Variants in CCNL1 observed in about 807,000 individuals in gnomAD.
The protein encoded by CCNL1 is cyclin-L1.
Under a neutral mutation model 60.6 loss-of-function variants are expected in CCNL1, and 13 were observed. The ratio of observed to expected loss-of-function variants is 0.21; its 90% CI spans 0.14 to 0.34. CCNL1 has a LOEUF of 0.34. Among genes scored for constraint, CCNL1 ranks in the 10% least tolerant of loss-of-function variants. CCNL1 has a pLI of 1.00. For missense variants in CCNL1, 481 were observed against 664.3 expected, an observed-to-expected ratio of 0.72 and a Z score of 3.03; for synonymous variants, 270 against 244.3, an observed-to-expected ratio of 1.10 and a Z score of -0.98.
At chr3:157,152,374 G>A (rs2108120922) in intron 4 of CCNL1, 133 bp from the exon 5 acceptor site, 3 of 1,414,002 alleles carry the variant, frequency 2.1e-6, no homozygotes, top group South Asian at 1.7e-5. Flanking sequence ...CAATTTAAAT[G>A]TACATAAGAT....
Position 157,159,936 on chromosome 3 carries a change from G to A in CCNL1, c.159C>T (p.Thr53=), listed in dbSNP as rs1341996958. Reference sequence around the variant, plus strand: ...CCTCCGGAATCAGAGAGTGGTCGATGGTAAGTGAAACTTCCGAGTACAGGC... The same window carrying A: ...CCTCCGGAATCAGAGAGTGGTCGATAGTAAGTGAAACTTCCGAGTACAGGC... ...GDRLYSEVSL[T]IDHSLIPEER... is the part of the protein sequence containing the mutation. The change falls in exon 1 of 11, where the codon ACC becomes ACT. Residue 53 remains threonine, a synonymous_variant. Coordinates refer to ENST00000295926, the MANE Select transcript of CCNL1 (RefSeq NM_020307.4). 4.4e-6 allele frequency: 7 copies of A among 1,605,722 alleles called. No homozygotes were observed. The highest frequency in any genetic ancestry group is 1.3e-5 in the African/African-American group (1 of 74,738).
intron 3 of CCNL1, among the ~76,000 whole-genome samples, chr3:157,157,929 C>A (rs1450380371): frequency 6.6e-6 from 1 of 152,174 alleles, no homozygotes; most frequent in African/African-American, 2.4e-5. Flanking sequence ...ACATACCCAA[C>A]CCCCAGAACA....
chr3:157,159,153 T>A (rs1443196112), intron 2 of CCNL1, 178 bp from the exon 3 acceptor site: 8 of 632,070 alleles, frequency 1.3e-5, no homozygotes, highest in Non-Finnish European at 1.9e-5. Context: ...TAATTTTGGT[T>A]CCAGAGTCAA....
intron 8 of CCNL1, 24 bp from the exon 9 acceptor site, chr3:157,149,620 A>G: frequency 1.3e-6 from 2 of 1,594,760 alleles, no homozygotes; most frequent in Non-Finnish European, 1.7e-6. Context: ...TAATAACAAC[A>G]TGTTAACTAC....
Position 157,149,339 on chromosome 3 carries a change from G to T in CCNL1, c.1180C>A (p.Arg394=). 6.2e-6 allele frequency: 10 copies of T among 1,613,984 alleles called. No homozygotes were observed. The highest frequency in any genetic ancestry group is 8.5e-6 in the Non-Finnish European group (10 of 1,179,934). ...KRSRNSRSAS[R]SRSRTRSRSR... is the part of the protein sequence containing the mutation. ...CGTGATCGTGTTCTTGACCTCGATCGACTTGCACTTCTGCTATTTCTACTT... is the reference window on the plus strand; with the variant it reads ...CGTGATCGTGTTCTTGACCTCGATCTACTTGCACTTCTGCTATTTCTACTT... The change falls in exon 10 of 11, where the codon CGA becomes AGA. Residue 394 remains arginine, a synonymous_variant. Transcript: ENST00000295926.
intron 10 of CCNL1, 155 bp downstream of exon 10, chr3:157,149,132 G>C (rs933146237): frequency 1.4e-5 from 9 of 625,496 alleles, no homozygotes; most frequent in African/African-American, 9.2e-5. Flanking sequence ...TGTATGTCCA[G>C]AACATCTCCA....
chr3:157,150,851 G>T (rs956788259), intron 5 of CCNL1: 34 of 986,350 alleles, frequency 3.4e-5, no homozygotes, highest in Non-Finnish European at 1.1e-5. Flanking sequence ...GGCATTTTCA[G>T]TAAGTACCAA....
chr3:157,150,701 C>G (rs556726184), intron 5 of CCNL1: 106 of 1,042,190 alleles, frequency 1.0e-4, no homozygotes, highest in Non-Finnish European at 1.2e-4. Flanking sequence ...AATTCTGACA[C>G]GATTAGTTTC....
intron 4 of CCNL1, 106 bp from the exon 5 acceptor site, chr3:157,152,347 G>A (rs1032499813): frequency 5.3e-6 from 8 of 1,518,112 alleles, no homozygotes; most frequent in Non-Finnish European, 7.0e-6. Flanking sequence ...TTCTAATTGT[G>A]CATCGATAAT....
In CCNL1 at chr3:157,160,126, A is replaced by G. The variant is rs772304472; in HGVS notation, c.-32T>C. 6.5e-7 allele frequency: 1 copy of G among 1,527,034 alleles called. No homozygotes were observed. 94.6% of individuals were successfully genotyped at this position (1,527,034 alleles called of 1,614,324 possible). On this transcript the variant is annotated 5_prime_UTR_variant, in exon 1 of 11. Coordinates refer to ENST00000295926, the MANE Select transcript of CCNL1 (RefSeq NM_020307.4). ...AGCGAGCCGCACGCAAGCCCAACGC[A>G]GCCGGAACCCGAAACAAGACTAACC...
At chr3:157,149,208 AT>A (rs1365753779) in intron 10 of CCNL1, 78 bp downstream of exon 10, 1 of 1,140,764 alleles carries the variant, frequency 8.8e-7, no homozygotes, top group Admixed American at 1.9e-5. Flanking sequence ...AAAATAATCT[AT>A]GTTCAATTTT....
At chr3:157,151,326 T>C in intron 5 of CCNL1, 3 of 985,832 alleles carry the variant, frequency 3.0e-6, no homozygotes, top group Non-Finnish European at 3.6e-6. Context: ...GAAACAGTAG[T>C]TGTGGCTGAA....
At position 157,159,773 on chromosome 3, in the gene CCNL1, C is replaced by T. The variant is rs1738940183; in HGVS notation, c.303+19G>A. The T allele has an allele frequency of 6.6e-7, 1 of 1,515,724 alleles. No individual in the cohort carries two copies. Among genetic ancestry groups the T allele is most frequent in the East Asian group, 2.5e-5 (1 of 40,354 alleles). The allele number at this position is 1,515,724 out of a possible 1,614,324, so 93.9% of individuals were successfully genotyped here. On this transcript the variant is annotated intron_variant, in intron 1 of 10. Transcript: ENST00000295926. The stretch of plus-strand genomic sequence containing the variant: ...GAGAGGAGAGGAGCGCCCGGCCGGC[C>T]CGGGGCCGGAGCACTGACCTGCGGC...
intron 5 of CCNL1, chr3:157,151,412 G>A (rs1335646174): frequency 1.0e-6 from 1 of 985,682 alleles, no homozygotes; most frequent in Non-Finnish European, 1.2e-6. Context: ...AAGTCCAAGT[G>A]CTAAAGCATT....
At chr3:157,148,677 A>G (rs1560194669) in intron 10 of CCNL1, 88 bp from the exon 11 acceptor site, 1 of 1,138,888 alleles carries the variant, frequency 8.8e-7, no homozygotes, top group Non-Finnish European at 1.2e-6. Flanking sequence ...TCAAAACAAA[A>G]CTACCAGCTA....
downstream of CCNL1, among the ~76,000 whole-genome samples, chr3:157,144,866 G>T (rs1162615871): frequency 6.6e-6 from 1 of 151,590 alleles, no homozygotes; most frequent in Non-Finnish European, 1.5e-5. Context: ...TAGAACAAAT[G>T]ATTGTTATGA....
intron 5 of CCNL1, chr3:157,150,906 T>G: frequency 2.0e-6 from 2 of 983,928 alleles, no homozygotes; most frequent in African/African-American, 3.5e-5. Flanking sequence ...AAAATCTAGA[T>G]AGGGAAATAA....
intron 8 of CCNL1, 35 bp from the exon 9 acceptor site, chr3:157,149,631 T>C: frequency 6.3e-7 from 1 of 1,574,872 alleles, no homozygotes; most frequent in Non-Finnish European, 8.7e-7. Context: ...TGTTAACTAC[T>C]GGATTTAACA....
chr3:157,145,288 T>A (rs929300518), downstream of CCNL1, among the ~76,000 whole-genome samples: 1 of 151,380 alleles, frequency 6.6e-6, no homozygotes, highest in African/African-American at 2.4e-5. Context: ...CACAAAAAAA[T>A]TAGCCAGGGC....
Sources: allele counts gnomAD v4.1 joint callset (sites outside exome capture counted in the v4.1 genomes callset), GRCh38; gene constraint gnomAD v4.1.1; transcripts MANE v1.5; gene names NCBI Gene and HGNC (gene_info 2026-07-23, HGNC 2026-07-21).